Variants in PAWR observed in about 807,000 individuals in gnomAD.
PAWR encodes the protein PRKC apoptosis WT1 regulator protein.
PAWR carries 23 observed loss-of-function variants against 32.0 expected under a neutral mutation model. The ratio of observed to expected loss-of-function variants is 0.72; its 90% CI spans 0.52 to 1.02. PAWR has a LOEUF of 1.02. PAWR is among the 50% of genes least tolerant of loss of function. The probability of loss-of-function intolerance (pLI) is 0.00; values close to 1 mark genes in which losing one functional copy is unlikely to be tolerated. For missense variants in PAWR, 457 were observed against 437.7 expected, an observed-to-expected ratio of 1.04 and a Z score of -0.39; for synonymous variants, 226 against 187.1, an observed-to-expected ratio of 1.21 and a Z score of -1.70.
In PAWR at chr12:79,679,088, C is replaced by A. The variant is rs574669695; in HGVS notation, c.516+10641G>T. On this transcript the variant is annotated intron_variant, in intron 2 of 6. Coordinates refer to ENST00000328827, the MANE Select transcript of PAWR (RefSeq NM_002583.4). ...CATGGCCCCCTTTTCTGTGCTAGTT[C>A]AGTACTTTGCTCTTTTCTCCATCAT... is the stretch of plus-strand genomic sequence containing the variant. 4.6e-5 allele frequency among the ~76,000 whole-genome samples: 7 copies of A among 152,220 alleles called. No homozygotes were observed. In the South Asian group the frequency reaches 1.2e-3, roughly 27 times the overall value.
In PAWR at chr12:79,589,754, AACTT is replaced by A. The variant is rs1416705312; in HGVS notation, c.*2849_*2852del. The A allele has an allele frequency of 1.3e-5, 2 of 152,216 alleles. No individual in the cohort carries two copies. The highest frequency in any genetic ancestry group is 2.9e-5 in the Non-Finnish European group (2 of 68,022). The allele number at this position is 152,216 out of a possible 1,614,324, so 9.4% of individuals were successfully genotyped here. ...AGTCATGTTCATTTTAAAGATGACA[AACTT>A]ACTATTTTGAAAATGAGCTCATAAA... On this transcript the variant is annotated 3_prime_UTR_variant, in exon 7 of 7. Transcript: ENST00000328827.
chr12:79,633,246 AAAC>A (rs1875800458), intron 2 of PAWR, among the ~76,000 whole-genome samples: 1 of 152,230 alleles, frequency 6.6e-6, no homozygotes, highest in African/African-American at 2.4e-5. Context: ...ATATTTGCAA[AAAC>A]ACACACCTGA....
intron 2 of PAWR, among the ~76,000 whole-genome samples, chr12:79,639,873 CCTATTCCTATT>C (rs1383003907): frequency 1.9e-5 from 2 of 104,794 alleles, no homozygotes; most frequent in African/African-American, 1.0e-4. Flanking sequence ...TATTCCTATT[CCTATTCCTATT>C]CCATTCCATT....
chr12:79,641,043 A>G (rs1052165410), intron 2 of PAWR, among the ~76,000 whole-genome samples: 2 of 152,234 alleles, frequency 1.3e-5, no homozygotes, highest in African/African-American at 4.8e-5. Flanking sequence ...TCTAATTACC[A>G]TACAACACAC....
At chr12:79,603,339 C>G (rs962623379) in intron 4 of PAWR, among the ~76,000 whole-genome samples, 2 of 151,896 alleles carry the variant, frequency 1.3e-5, no homozygotes, top group African/African-American at 4.8e-5. Context: ...CTGGGAAATA[C>G]CAGCAAAGTG....
At chr12:79,617,147 C>T (rs1284600404) in intron 3 of PAWR, among the ~76,000 whole-genome samples, 2 of 151,986 alleles carry the variant, frequency 1.3e-5, no homozygotes, top group Non-Finnish European at 2.9e-5. Context: ...CACCTAAGGT[C>T]GGGAGACCAG....
At chr12:79,675,191 A>G (rs1878102850) in intron 2 of PAWR, among the ~76,000 whole-genome samples, 1 of 152,138 alleles carries the variant, frequency 6.6e-6, no homozygotes, top group Non-Finnish European at 1.5e-5. Flanking sequence ...AGCCTGGGCA[A>G]CATGGCAAAA....
chr12:79,664,562 T>C (rs369699051), intron 2 of PAWR, among the ~76,000 whole-genome samples: 1 of 152,124 alleles, frequency 6.6e-6, no homozygotes, highest in Non-Finnish European at 1.5e-5. Context: ...GGGCCACACA[T>C]TGTTTTTTAG....
In PAWR at chr12:79,679,268, C is replaced by T. The variant is rs11114212; in HGVS notation, c.516+10461G>A. ...CTGAAGAAACATTTACATATAGATTCTTATAAAAGAATCTATAAAAAATGC... is the reference window on the plus strand; with the variant it reads ...CTGAAGAAACATTTACATATAGATTTTTATAAAAGAATCTATAAAAAATGC... On this transcript the variant is annotated intron_variant, in intron 2 of 6. Coordinates refer to ENST00000328827, the MANE Select transcript of PAWR (RefSeq NM_002583.4). Among the ~76,000 whole-genome samples the T allele has an allele frequency of 2.2e-3, 335 of 152,154 alleles. 1 individual carries two copies. Among genetic ancestry groups the T allele is most frequent in the Non-Finnish European group, 3.7e-3 (251 of 67,994 alleles).
intron 4 of PAWR, among the ~76,000 whole-genome samples, chr12:79,607,956 G>A (rs1000454164): frequency 2.6e-5 from 4 of 151,674 alleles, no homozygotes; most frequent in African/African-American, 7.3e-5. Flanking sequence ...GCCTGAGGCA[G>A]GAGAATCACT....
chr12:79,669,757 G>T (rs1420432572), intron 2 of PAWR, among the ~76,000 whole-genome samples: 1 of 151,686 alleles, frequency 6.6e-6, no homozygotes, highest in African/African-American at 2.4e-5. Context: ...TTTTAAGACA[G>T]TCTCTTGTTC....
Position 79,604,751 on chromosome 12 carries a change from T to C in PAWR, c.684-8093A>G, listed in dbSNP as rs1205600686. Reference sequence around the variant, plus strand: ...AAATACAAACATACACATAAGCACATACACCAACAACTAAAAATCAAAATC... The same window carrying C: ...AAATACAAACATACACATAAGCACACACACCAACAACTAAAAATCAAAATC... On this transcript the variant is annotated intron_variant, in intron 4 of 6. Coordinates refer to ENST00000328827, the MANE Select transcript of PAWR (RefSeq NM_002583.4). 7 of 1,191,652 alleles carry C rather than the reference T, an allele frequency of 5.9e-6. No homozygotes were observed. In the Admixed American group the frequency reaches 7.6e-5, roughly 13 times the overall value. 73.8% of individuals were successfully genotyped at this position (1,191,652 alleles called of 1,614,324 possible). A position where few individuals can be genotyped will look rare whatever the true frequency, so the allele number is the denominator to read the frequency against.
At chr12:79,685,699 ATC>A (rs1380649199) in intron 2 of PAWR, among the ~76,000 whole-genome samples, 1 of 152,154 alleles carries the variant, frequency 6.6e-6, no homozygotes, top group Non-Finnish European at 1.5e-5. Context: ...GTCAGAGGCA[ATC>A]TCTGAGTCCA....
chr12:79,649,730 C>T (rs1876750907), intron 2 of PAWR, among the ~76,000 whole-genome samples: 1 of 152,052 alleles, frequency 6.6e-6, no homozygotes, highest in Non-Finnish European at 1.5e-5. Context: ...TTTGAGGCTG[C>T]AGTGAGCTAT....
chr12:79,663,684 C>T (rs1276688214), intron 2 of PAWR, among the ~76,000 whole-genome samples: 2 of 151,594 alleles, frequency 1.3e-5, no homozygotes, highest in East Asian at 1.9e-4. Flanking sequence ...CACTTGAGTG[C>T]GGGAGGTGGA....
chr12:79,681,398 T>C lies in PAWR; in HGVS notation c.516+8331A>G, dbSNP rs1878441095. 2.0e-5 allele frequency among the ~76,000 whole-genome samples: 3 copies of C among 152,034 alleles called. No individual in the cohort carries two copies. The South Asian group carries it at 6.2e-4, about 32-fold the overall frequency. ...TCACTTGAGCCCAGGAGTTTGAGGCTGAGTCATCACACCATAGTACTGCAG... is the reference window on the plus strand; with the variant it reads ...TCACTTGAGCCCAGGAGTTTGAGGCCGAGTCATCACACCATAGTACTGCAG... On this transcript the variant is annotated intron_variant, in intron 2 of 6. Coordinates refer to ENST00000328827, the MANE Select transcript of PAWR (RefSeq NM_002583.4).
At chr12:79,601,202 C>T (rs568710080) in intron 4 of PAWR, among the ~76,000 whole-genome samples, 1 of 143,422 alleles carries the variant, frequency 7.0e-6, no homozygotes, top group African/African-American at 2.7e-5. Context: ...AAGCAGGAAA[C>T]CTGAATTTTT....
intron 2 of PAWR, among the ~76,000 whole-genome samples, chr12:79,633,153 CA>C (rs897218743): frequency 6.6e-6 from 1 of 151,378 alleles, no homozygotes; most frequent in South Asian, 2.1e-4. Flanking sequence ...AAACAAAAAA[CA>C]AAAAAACTAT....
chr12:79,666,282 C>A (rs10862008), intron 2 of PAWR, among the ~76,000 whole-genome samples: 313 of 152,188 alleles, frequency 2.1e-3, no homozygotes, highest in Non-Finnish European at 3.5e-3. Context: ...AGCATCTAGG[C>A]TATCTTATTT....
Sources: allele counts gnomAD v4.1 joint callset (sites outside exome capture counted in the v4.1 genomes callset), GRCh38; gene constraint gnomAD v4.1.1; transcripts MANE v1.5; gene names NCBI Gene and HGNC (gene_info 2026-07-23, HGNC 2026-07-21).